The following ENO4 variants were observed in gnomAD, a reference collection of about 807,000 sequenced individuals.
ENO4 encodes the protein enolase 4.
A neutral mutation model predicts 63.2 loss-of-function variants in ENO4; 53 were observed. That is an observed-to-expected ratio of 0.84 (90% confidence interval 0.67 to 1.05). The LOEUF (loss-of-function observed/expected upper bound fraction) is 1.05, where lower values mean the gene tolerates loss of function less well. ENO4 is among the 50% of genes least tolerant of loss of function. The pLI is 0.00. For synonymous variants in ENO4, 266 were observed against 283.8 expected (o/e 0.94, Z 0.63); for missense variants, 719 against 772.0 (o/e 0.93, Z 0.81).
chr10:116,901,768 A>G, intron 10 of ENO4: 1 of 1,593,994 alleles, frequency 6.3e-7, no homozygotes. Context: ...TACTTACTGA[A>G]ACGTAACCTT....
Position 116,873,112 on chromosome 10 carries a change from C to T in ENO4, c.1216-964C>T, listed in dbSNP as rs186834459. On this transcript the variant is annotated intron_variant, in intron 9 of 13. Coordinates refer to ENST00000341276, the MANE Select transcript of ENO4 (RefSeq NM_001242699.2). ...TTAGCTTGATATCAGATAATTCTTA[C>T]AATATTGTTAGTTCAAAATCATTAG... Among the ~76,000 whole-genome samples the T allele has an allele frequency of 3.7e-4, 57 of 152,274 alleles. No individual in the cohort carries two copies. In the Middle Eastern group the frequency reaches 0.01, roughly 27 times the overall value.
In ENO4 at chr10:116,900,926, A is replaced by G. The variant is rs904209559; in HGVS notation, c.1195-10573A>G. 3.0e-6 allele frequency: 3 copies of G among 985,344 alleles called. No homozygotes were observed. In the African/African-American group the frequency reaches 5.2e-5, roughly 17 times the overall value. 61.0% of individuals were successfully genotyped at this position (985,344 alleles called of 1,614,324 possible). A position where few individuals can be genotyped will look rare whatever the true frequency, so the allele number is the denominator to read the frequency against. ...AGAAAATACCAGTTGGCAAAAATAG[A>G]TCCAAATTGAATTCCAACTTCATTT... On this transcript the variant is annotated intron_variant, in intron 10 of 10. Coordinates refer to the ENO4 transcript ENST00000369207.
chr10:116,898,837 A>G (rs1564864747), intron 10 of ENO4, among the ~76,000 whole-genome samples: 1 of 152,224 alleles, frequency 6.6e-6, no homozygotes, highest in Non-Finnish European at 1.5e-5. Context: ...ATTAAGCATT[A>G]AAAGTGTTTC....
chr10:116,853,294 C>CAA (rs56885650), intron 1 of ENO4, among the ~76,000 whole-genome samples: 3,395 of 95,628 alleles, frequency 0.036, 153 homozygotes, highest in Non-Finnish European at 0.044. Flanking sequence ...GACTCCGTCT[C>CAA]AAAAAAAAAA....
downstream of ENO4, chr10:116,885,570 G>A (rs754828624): frequency 1.3e-5 from 2 of 152,532 alleles, no homozygotes; most frequent in Non-Finnish European, 2.9e-5. Flanking sequence ...TGGTACTTGT[G>A]CCACATTAGT....
At chr10:116,906,873 C>T (rs1334433445) in intron 10 of ENO4, 10 of 746,356 alleles carry the variant, frequency 1.3e-5, no homozygotes, top group Non-Finnish European at 2.0e-5. Flanking sequence ...AATGAATTTG[C>T]TATATATTAA....
At chr10:116,861,605 G>A (rs1168377812) in intron 6 of ENO4, among the ~76,000 whole-genome samples, 2 of 152,198 alleles carry the variant, frequency 1.3e-5, no homozygotes, top group African/African-American at 4.8e-5. Flanking sequence ...GAGACTTTTA[G>A]TGCATATTTG....
At chr10:116,854,471 A>T (rs1476032088) in intron 1 of ENO4, among the ~76,000 whole-genome samples, 9 of 151,202 alleles carry the variant, frequency 6.0e-5, no homozygotes, top group African/African-American at 1.7e-4. Flanking sequence ...GAGGCAGGAG[A>T]ATCGCTTGAA....
chr10:116,906,045 A>G (rs568817696), intron 10 of ENO4, among the ~76,000 whole-genome samples: 102 of 152,364 alleles, frequency 6.7e-4, no homozygotes, highest in Middle Eastern at 3.4e-3. Context: ...TAATGGATAC[A>G]AAGAGTAAAG....
chr10:116,866,571 C>T (rs1846553159), intron 7 of ENO4, among the ~76,000 whole-genome samples: 1 of 152,120 alleles, frequency 6.6e-6, no homozygotes, highest in South Asian at 2.1e-4. Context: ...TGCCTATAAT[C>T]CCGGCACTTT....
intron 7 of ENO4, among the ~76,000 whole-genome samples, chr10:116,864,575 G>A (rs1846503897): frequency 6.6e-6 from 1 of 152,140 alleles, no homozygotes; most frequent in Non-Finnish European, 1.5e-5. Flanking sequence ...TACACAAGTA[G>A]CTGATGAATG....
At chr10:116,874,970 G>C (rs748708089) in intron 10 of ENO4, among the ~76,000 whole-genome samples, 6 of 152,052 alleles carry the variant, frequency 3.9e-5, no homozygotes, top group Non-Finnish European at 7.4e-5. Context: ...CACTGTGCCC[G>C]ACCTGCAAAG....
chr10:116,891,558 C>T (rs757342524), intron 10 of ENO4, among the ~76,000 whole-genome samples: 37 of 152,198 alleles, frequency 2.4e-4, no homozygotes, highest in Non-Finnish European at 4.7e-4. Context: ...CCTGGACAAA[C>T]TCCAAAGAGG....
chr10:116,862,795 A>T lies in ENO4; in HGVS notation c.937-4A>T. 6.5e-7 allele frequency: 1 copy of T among 1,549,146 alleles called. No individual in the cohort carries two copies. The highest frequency in any genetic ancestry group is 1.2e-5 in the South Asian group (1 of 84,002). On this transcript the variant is annotated splice_polypyrimidine_tract_variant and splice_region_variant and intron_variant, in intron 6 of 13. Coordinates refer to ENST00000341276, the MANE Select transcript of ENO4 (RefSeq NM_001242699.2). ...GTGGAAGATCATGGTTGTTCTACTT[A>T]CAGGGTGTCGAGATGCTTATGGAAA...
chr10:116,898,180 T>C (rs1847589331), intron 10 of ENO4, among the ~76,000 whole-genome samples: 1 of 151,926 alleles, frequency 6.6e-6, no homozygotes, highest in Non-Finnish European at 1.5e-5. Context: ...CTACAAAAAT[T>C]AGCTGGGCAT....
intron 3 of ENO4, among the ~76,000 whole-genome samples, chr10:116,857,706 T>G (rs1370115205): frequency 6.6e-6 from 1 of 151,944 alleles, no homozygotes; most frequent in East Asian, 1.9e-4. Flanking sequence ...TGGCATGATC[T>G]CGGCTCACCA....
At chr10:116,904,664 CCCA>C (rs1847890003) in intron 10 of ENO4, among the ~76,000 whole-genome samples, 2 of 152,042 alleles carry the variant, frequency 1.3e-5, no homozygotes, top group African/African-American at 2.4e-5. Context: ...GTGAAAAATT[CCCA>C]CCATGTTCAT....
chr10:116,871,795 A>G (rs549354597), intron 9 of ENO4, among the ~76,000 whole-genome samples: 1 of 152,368 alleles, frequency 6.6e-6, no homozygotes, highest in Admixed American at 6.5e-5. Flanking sequence ...TGTTATCCAC[A>G]GCCTGGGTTA....
chr10:116,856,861 C>T (rs999843430), intron 3 of ENO4, among the ~76,000 whole-genome samples, 179 bp downstream of exon 3: 1 of 151,916 alleles, frequency 6.6e-6, no homozygotes, highest in East Asian at 1.9e-4. Context: ...TGGTGGTGGG[C>T]GCCTGTAGTC....
Sources: allele counts gnomAD v4.1 joint callset (sites outside exome capture counted in the v4.1 genomes callset), GRCh38; gene constraint gnomAD v4.1.1; transcripts MANE v1.5; gene names NCBI Gene and HGNC (gene_info 2026-07-23, HGNC 2026-07-21).